Variants in NAV2 observed in about 807,000 individuals in gnomAD.
NAV2 encodes neuron navigator 2.
In NAV2, 54 loss-of-function variants were observed where a neutral mutation model predicts 223.2. The observed-to-expected ratio is 0.24, with a 90% confidence interval of 0.19 to 0.30. The LOEUF (loss-of-function observed/expected upper bound fraction) is 0.30, where lower values mean the gene tolerates loss of function less well. Among genes scored for constraint, NAV2 ranks in the 10% least tolerant of loss-of-function variants. The pLI is 1.00. For missense variants in NAV2, 2,806 were observed against 3,147.5 expected (o/e 0.89, Z 2.60); for synonymous variants, 1,279 against 1,239.3 (o/e 1.03, Z -0.67).
intron 3 of NAV2, among the ~76,000 whole-genome samples, chr11:19,863,347 C>CT (rs1167320702): frequency 1.3e-5 from 2 of 152,132 alleles, no homozygotes; most frequent in Non-Finnish European, 2.9e-5. Context: ...GCCATTATGA[C>CT]TTTTTTTGGG....
chr11:19,638,884 T>G (rs1467605774), intron 1 of NAV2, among the ~76,000 whole-genome samples: 1 of 152,138 alleles, frequency 6.6e-6, no homozygotes, highest in South Asian at 2.1e-4. Flanking sequence ...TCCCAGCTAC[T>G]CAGGAGGCTG....
chr11:19,466,622 A>G (rs1852360604), intron 1 of NAV2, among the ~76,000 whole-genome samples: 1 of 152,216 alleles, frequency 6.6e-6, no homozygotes, highest in African/African-American at 2.4e-5. Context: ...CTTATTCTAC[A>G]GCTCTACATA....
chr11:19,819,307 C>T (rs760693584), intron 1 of NAV2, among the ~76,000 whole-genome samples: 7 of 152,096 alleles, frequency 4.6e-5, no homozygotes, highest in Non-Finnish European at 5.9e-5. Flanking sequence ...AATGGCTTTA[C>T]GGGGACTGAC....
intron 1 of NAV2, among the ~76,000 whole-genome samples, chr11:19,625,779 G>A (rs1257079998): frequency 6.6e-6 from 1 of 152,164 alleles, no homozygotes. Context: ...TGGTTTTGAT[G>A]TGCATTTCCC....
At chr11:19,847,219 G>T (rs537892352) in intron 3 of NAV2, among the ~76,000 whole-genome samples, 2 of 152,330 alleles carry the variant, frequency 1.3e-5, no homozygotes, top group African/African-American at 4.8e-5. Context: ...GACATTGGGG[G>T]CATTGGCTCA....
At chr11:19,372,472 G>T (rs1848503033) in intron 1 of NAV2, among the ~76,000 whole-genome samples, 1 of 152,158 alleles carries the variant, frequency 6.6e-6, no homozygotes, top group East Asian at 1.9e-4. Context: ...AGCTTGGCCT[G>T]GGTATTAAAT....
intron 6 of NAV2, among the ~76,000 whole-genome samples, chr11:19,892,994 T>C (rs2041641997): frequency 6.6e-6 from 1 of 152,134 alleles, no homozygotes; most frequent in South Asian, 2.1e-4. Flanking sequence ...AGAAATAATG[T>C]GAGGGGAGTT....
At chr11:20,065,141 G>A (rs921287506) in intron 20 of NAV2, among the ~76,000 whole-genome samples, 3 of 152,248 alleles carry the variant, frequency 2.0e-5, no homozygotes, top group African/African-American at 7.2e-5. Context: ...GCACTGAGGT[G>A]TGGTCCTTTA....
chr11:20,092,466 TG>T, intron 28 of NAV2, 98 bp downstream of exon 28: 1 of 1,300,778 alleles, frequency 7.7e-7, no homozygotes, highest in African/African-American at 1.5e-5. Flanking sequence ...ACAGATCAAA[TG>T]GAGAGGCAAC....
intron 1 of NAV2, among the ~76,000 whole-genome samples, chr11:19,610,530 C>A (rs1298594581): frequency 6.6e-6 from 1 of 152,216 alleles, no homozygotes; most frequent in Non-Finnish European, 1.5e-5. Context: ...GCAGAAACAA[C>A]TTTTCACAGG....
intron 1 of NAV2, among the ~76,000 whole-genome samples, chr11:19,453,680 T>A (rs1851864341): frequency 6.6e-6 from 1 of 152,172 alleles, no homozygotes; most frequent in Non-Finnish European, 1.5e-5. Context: ...GCGGAGGCCA[T>A]GTCTCTCTGC....
chr11:19,350,846 G>A, exon 1 of NAV2: 6 of 1,096,712 alleles, frequency 5.5e-6, no homozygotes, highest in South Asian at 1.4e-5. Context: ...CTTGGCTGGC[G>A]GGAACTCTGT....
chr11:19,860,088 A>T (rs2061641233), intron 3 of NAV2, among the ~76,000 whole-genome samples: 1 of 114,386 alleles, frequency 8.7e-6, no homozygotes. Flanking sequence ...GGCCGGGCAG[A>T]GGGGCTCCTC....
chr11:19,707,539 T>C (rs2049703444), intron 1 of NAV2, among the ~76,000 whole-genome samples: 1 of 152,188 alleles, frequency 6.6e-6, no homozygotes, highest in Non-Finnish European at 1.5e-5. Flanking sequence ...CAAAAACACA[T>C]ATGGAGCTGT....
chr11:20,105,937 T>C (rs940807177), intron 35 of NAV2, among the ~76,000 whole-genome samples: 2 of 131,830 alleles, frequency 1.5e-5, no homozygotes, highest in African/African-American at 5.1e-5. Context: ...CCTGGCCCAA[T>C]GTAGAAACTG....
intron 26 of NAV2, among the ~76,000 whole-genome samples, chr11:20,087,332 A>C (rs928108258): frequency 6.6e-6 from 1 of 152,176 alleles, no homozygotes; most frequent in Non-Finnish European, 1.5e-5. Flanking sequence ...TACATTCCAC[A>C]GCATCCATGC....
intron 1 of NAV2, chr11:19,714,439 G>T (rs758261968): frequency 2.2e-6 from 1 of 458,242 alleles, no homozygotes; most frequent in Middle Eastern, 3.2e-4. Flanking sequence ...GAAGAAAAGG[G>T]GATCGCGGGT....
At chr11:19,704,022 G>T (rs77973177) in intron 1 of NAV2, among the ~76,000 whole-genome samples, 4,345 of 151,446 alleles carry the variant, frequency 0.029, 143 homozygotes, top group East Asian at 0.17. Flanking sequence ...GGTTTTTTTT[G>T]GGGGGGTGGA....
At chr11:19,720,725 A>G (rs974668994) in intron 1 of NAV2, among the ~76,000 whole-genome samples, 22 of 152,206 alleles carry the variant, frequency 1.4e-4, no homozygotes, top group African/African-American at 5.3e-4. Context: ...ATAGCACCAG[A>G]TATGTATCAT....
Sources: gnomAD v4.1 joint callset for allele counts (sites outside exome capture counted in the v4.1 genomes callset) on GRCh38, gnomAD v4.1.1 for gene constraint, MANE v1.5 for transcripts, NCBI Gene and HGNC (gene_info 2026-07-23, HGNC 2026-07-21) for gene names.